The following SGCZ variants were observed in gnomAD, a reference collection of about 807,000 sequenced individuals.
The protein encoded by SGCZ is sarcoglycan zeta, also known as zeta-sarcoglycan.
Under a neutral mutation model 41.3 loss-of-function variants are expected in SGCZ, and 40 were observed. That is an observed-to-expected ratio of 0.97 (90% confidence interval 0.75 to 1.26). The LOEUF is 1.26. Ranked by LOEUF, SGCZ falls within the 50% of genes most tolerant of loss-of-function variation. The probability of loss-of-function intolerance (pLI) is 0.00; values close to 1 mark genes in which losing one functional copy is unlikely to be tolerated. For missense variants in SGCZ, 552 were observed against 369.8 expected, an observed-to-expected ratio of 1.49 and a Z score of -4.04; for synonymous variants, 206 against 137.5, an observed-to-expected ratio of 1.50 and a Z score of -3.49.
chr8:14,982,093 T>A, intron 1 of SGCZ, among the ~76,000 whole-genome samples: 1 of 150,360 alleles, frequency 6.7e-6, no homozygotes, highest in Non-Finnish European at 1.5e-5. Context: ...GAGTTTGCAG[T>A]GAGCCAGGAT....
At chr8:14,177,769 T>C (rs1436808459) in intron 4 of SGCZ, among the ~76,000 whole-genome samples, 2 of 149,614 alleles carry the variant, frequency 1.3e-5, no homozygotes, top group Non-Finnish European at 3.0e-5. Context: ...CGTGATCCAT[T>C]CGCCTCAGCC....
chr8:14,253,863 C>T (rs889263818), intron 3 of SGCZ, among the ~76,000 whole-genome samples: 3 of 152,084 alleles, frequency 2.0e-5, no homozygotes, highest in Non-Finnish European at 2.9e-5. Context: ...GAACCTTCTC[C>T]TAGTGGAGAA....
chr8:14,383,325 C>T lies in SGCZ; in HGVS notation c.235-59121G>A, dbSNP rs1057286158. On this transcript the variant is annotated intron_variant, in intron 2 of 7. Transcript: ENST00000382080. Reference sequence around the variant, plus strand: ...AAATTATCATTCAATAAACACACATCGAATTTCTATGCTGATTTTATCACT... The same window carrying T: ...AAATTATCATTCAATAAACACACATTGAATTTCTATGCTGATTTTATCACT... Among the ~76,000 whole-genome samples the T allele has an allele frequency of 5.9e-5, 9 of 152,294 alleles. 1 individual carries two copies. In the East Asian group the frequency reaches 7.7e-4, roughly 13 times the overall value.
intron 1 of SGCZ, among the ~76,000 whole-genome samples, chr8:14,591,669 G>C (rs144127501): frequency 2.0e-4 from 31 of 152,172 alleles, no homozygotes. Context: ...ATGAATGCCA[G>C]TAAAAATTAA....
At chr8:14,458,909 T>A (rs896790440) in intron 2 of SGCZ, among the ~76,000 whole-genome samples, 3 of 152,054 alleles carry the variant, frequency 2.0e-5, no homozygotes, top group Non-Finnish European at 4.4e-5. Context: ...GACCTAGGGT[T>A]AGGAAAATAT....
At chr8:14,218,879 C>T (rs1195381499) in intron 4 of SGCZ, among the ~76,000 whole-genome samples, 1 of 152,112 alleles carries the variant, frequency 6.6e-6, no homozygotes, top group Non-Finnish European at 1.5e-5. Flanking sequence ...ACTTTGGAGG[C>T]CAGCCATTGA....
chr8:14,995,328 G>A (rs949522571), intron 1 of SGCZ, among the ~76,000 whole-genome samples: 2 of 152,212 alleles, frequency 1.3e-5, no homozygotes, highest in Admixed American at 6.5e-5. Context: ...GATCAAAGAT[G>A]ACGGTGGAAA....
At chr8:14,789,000 C>A (rs1324618023) in intron 1 of SGCZ, among the ~76,000 whole-genome samples, 1 of 152,136 alleles carries the variant, frequency 6.6e-6, no homozygotes. Flanking sequence ...ATATGTCCTT[C>A]TGTTCGAAAA....
intron 5 of SGCZ, among the ~76,000 whole-genome samples, chr8:14,150,526 G>T (rs1337107824): frequency 6.6e-6 from 1 of 152,070 alleles, no homozygotes; most frequent in Non-Finnish European, 1.5e-5. Flanking sequence ...AATAATAAAT[G>T]CTGGTGAGGA....
At chr8:14,417,637 A>ATTTG (rs1388360123) in intron 2 of SGCZ, among the ~76,000 whole-genome samples, 1 of 151,888 alleles carries the variant, frequency 6.6e-6, no homozygotes, top group African/African-American at 2.4e-5. Flanking sequence ...ATAAACATAA[A>ATTTG]AATAACGATA....
At chr8:14,883,821 T>A (rs1253670714) in intron 1 of SGCZ, among the ~76,000 whole-genome samples, 1 of 151,294 alleles carries the variant, frequency 6.6e-6, no homozygotes, top group Non-Finnish European at 1.5e-5. Flanking sequence ...TCTTCTATTT[T>A]GCTGTTGTTG....
intron 1 of SGCZ, among the ~76,000 whole-genome samples, chr8:15,128,104 A>G (rs1050911534): frequency 1.3e-5 from 2 of 152,212 alleles, no homozygotes; most frequent in Non-Finnish European, 2.9e-5. Flanking sequence ...ATGTGCCAAC[A>G]TCTGTCCTCT....
At chr8:14,349,292 T>C (rs775227941) in intron 2 of SGCZ, among the ~76,000 whole-genome samples, 6 of 152,106 alleles carry the variant, frequency 3.9e-5, no homozygotes, top group Non-Finnish European at 7.4e-5. Flanking sequence ...TCCTCACCTA[T>C]AAACTATGTG....
At chr8:15,191,111 A>C (rs1396393918) in intron 1 of SGCZ, among the ~76,000 whole-genome samples, 1 of 152,102 alleles carries the variant, frequency 6.6e-6, no homozygotes, top group African/African-American at 2.4e-5. Flanking sequence ...AGATCAATTA[A>C]AAAGCTTAAT....
intron 1 of SGCZ, among the ~76,000 whole-genome samples, chr8:15,022,699 T>A (rs1585482850): frequency 6.6e-6 from 1 of 152,192 alleles, no homozygotes; most frequent in African/African-American, 2.4e-5. Context: ...AGGATCAGTA[T>A]GCTAGCAATG....
intron 1 of SGCZ, among the ~76,000 whole-genome samples, chr8:15,101,238 ATTG>A (rs1287875948): frequency 2.6e-5 from 4 of 152,218 alleles, no homozygotes; most frequent in Non-Finnish European, 5.9e-5. Context: ...AATTTAAAAA[ATTG>A]TTGTAATTAA....
chr8:14,309,466 A>C, intron 3 of SGCZ: 1 of 1,605,900 alleles, frequency 6.2e-7, no homozygotes, highest in East Asian at 2.2e-5. Flanking sequence ...GTGATGATGT[A>C]TGTGGCGCTG....
chr8:14,644,266 G>C (rs1347226143), intron 1 of SGCZ, among the ~76,000 whole-genome samples: 3 of 151,658 alleles, frequency 2.0e-5, no homozygotes, highest in African/African-American at 7.3e-5. Context: ...CCTCCATAAA[G>C]TGAGTAGAGC....
chr8:15,167,345 A>G (rs1799695633), intron 1 of SGCZ, among the ~76,000 whole-genome samples: 1 of 152,226 alleles, frequency 6.6e-6, no homozygotes, highest in South Asian at 2.1e-4. Context: ...AACTGGCCTC[A>G]CGTCCTCATC....
Sources: gnomAD v4.1 joint callset for allele counts (sites outside exome capture counted in the v4.1 genomes callset) on GRCh38, gnomAD v4.1.1 for gene constraint, MANE v1.5 for transcripts, NCBI Gene and HGNC (gene_info 2026-07-23, HGNC 2026-07-21) for gene names.